ORC5: variants seen among roughly 807,000 people sequenced by gnomAD.
ORC5 encodes the protein origin recognition complex subunit 5, also known as protein phosphatase 1, regulatory subunit 117.
ORC5 carries 39 observed loss-of-function variants against 58.8 expected under a neutral mutation model. The observed-to-expected ratio is 0.66, with a 90% CI of 0.51 to 0.87. The LOEUF is 0.87. Ranked by LOEUF, ORC5 falls within the 40% of genes least tolerant of loss-of-function variation. ORC5 has a pLI of 0.00. For missense variants in ORC5, 493 were observed against 506.3 expected, an observed-to-expected ratio of 0.97 and a Z score of 0.25; for synonymous variants, 218 against 177.6, an observed-to-expected ratio of 1.23 and a Z score of -1.81.
intron 11 of ORC5, among the ~76,000 whole-genome samples, chr7:104,164,129 G>C (rs560853021): frequency 6.6e-6 from 1 of 151,990 alleles, no homozygotes; most frequent in Non-Finnish European, 1.5e-5. Flanking sequence ...TTAAAAATTC[G>C]AGACATTAGG....
At chr7:104,185,142 G>C (rs1799517293) in intron 6 of ORC5, among the ~76,000 whole-genome samples, 1 of 150,272 alleles carries the variant, frequency 6.7e-6, no homozygotes, top group Admixed American at 6.6e-5. Context: ...TTAATACCTA[G>C]GTGAGGGGTT....
At chr7:104,192,918 C>T (rs945831496) in intron 5 of ORC5, among the ~76,000 whole-genome samples, 59 of 150,164 alleles carry the variant, frequency 3.9e-4, no homozygotes, top group African/African-American at 1.4e-3. Context: ...AAAAAACAAT[C>T]CCAAATAAAA....
intron 12 of ORC5, among the ~76,000 whole-genome samples, chr7:104,141,420 A>C (rs1798670721): frequency 7.1e-6 from 1 of 141,728 alleles, no homozygotes; most frequent in Non-Finnish European, 1.5e-5. Flanking sequence ...GAGAGAGAAC[A>C]TAGTTTAAGA....
intron 12 of ORC5, among the ~76,000 whole-genome samples, chr7:104,137,690 C>A (rs921443941): frequency 5.9e-5 from 9 of 152,058 alleles, no homozygotes; most frequent in Admixed American, 5.9e-4. Context: ...CAGATGCCAG[C>A]AGGCCACCTA....
intron 12 of ORC5, among the ~76,000 whole-genome samples, chr7:104,146,849 A>C (rs1798760920): frequency 6.6e-6 from 1 of 152,196 alleles, no homozygotes; most frequent in Admixed American, 6.5e-5. Flanking sequence ...GATTGCATTA[A>C]TGTCAGTTTC....
chr7:104,169,306 A>C (rs1246229118), intron 8 of ORC5, among the ~76,000 whole-genome samples: 2 of 88,278 alleles, frequency 2.3e-5, no homozygotes, highest in African/African-American at 5.4e-5. Context: ...TCCTTGTAGG[A>C]TGCTTGCAGA....
chr7:104,179,586 G>C (rs1254901120), intron 8 of ORC5, among the ~76,000 whole-genome samples: 7 of 146,132 alleles, frequency 4.8e-5, no homozygotes, highest in African/African-American at 1.2e-4. Flanking sequence ...AAAATTAGAG[G>C]TTTTCACTTT....
At position 104,200,851 on chromosome 7, in the gene ORC5, A is replaced by G; in HGVS notation, c.273T>C (p.Ser91=). The part of the protein sequence containing the change: ...NHLSSSEDGC[S]TEITCETFND... ...TAAATGTTTCACAGGTTATTTCAGTAGAACATCCATCCTCTGAAGAACTAA... is the reference window on the plus strand; with the variant it reads ...TAAATGTTTCACAGGTTATTTCAGTGGAACATCCATCCTCTGAAGAACTAA... The change falls in exon 3 of 14, where the codon TCT becomes TCC. Residue 91 remains serine, a synonymous_variant. Transcript: ENST00000297431. 1 of 1,611,942 alleles carries G rather than the reference A, an allele frequency of 6.2e-7. No homozygotes were observed.
intron 5 of ORC5, among the ~76,000 whole-genome samples, chr7:104,191,972 T>A (rs926231915): frequency 2.0e-5 from 3 of 152,146 alleles, no homozygotes; most frequent in Non-Finnish European, 4.4e-5. Flanking sequence ...AGAAAACAAC[T>A]ATTTTTAAAT....
At chr7:104,186,535 C>T (rs1018616105) in intron 6 of ORC5, among the ~76,000 whole-genome samples, 2 of 152,096 alleles carry the variant, frequency 1.3e-5, no homozygotes, top group Admixed American at 6.6e-5. Context: ...CAAAGTAGTA[C>T]TTCATTTTCT....
At chr7:104,197,163 CAAT>C (rs1438105602) in intron 4 of ORC5, among the ~76,000 whole-genome samples, 3 of 152,086 alleles carry the variant, frequency 2.0e-5, no homozygotes, top group Non-Finnish European at 4.4e-5. Flanking sequence ...TTTTCCTCAA[CAAT>C]GTTATAATGA....
At chr7:104,180,011 G>C (rs947808948) in intron 8 of ORC5, among the ~76,000 whole-genome samples, 1 of 152,160 alleles carries the variant, frequency 6.6e-6, no homozygotes, top group Admixed American at 6.6e-5. Flanking sequence ...TTTTCCTCCA[G>C]TATAACTTGA....
intron 8 of ORC5, among the ~76,000 whole-genome samples, chr7:104,173,828 T>C (rs186489341): frequency 2.0e-5 from 3 of 148,478 alleles, no homozygotes; most frequent in Non-Finnish European, 4.5e-5. Context: ...TCTGCATACC[T>C]GGGTTTAAAA....
In ORC5 at chr7:104,184,198, GA is replaced by G. The variant is rs530245222; in HGVS notation, c.685-28del. The G allele has an allele frequency of 1.7e-3, 2,334 of 1,373,982 alleles. 1 individual carries two copies. The highest frequency in any genetic ancestry group is 2.2e-3 in the Non-Finnish European group (2,192 of 996,486). The allele number at this position is 1,373,982 out of a possible 1,614,324, so 85.1% of individuals were successfully genotyped here. On this transcript the variant is annotated intron_variant, in intron 6 of 13. Coordinates refer to ENST00000297431, the MANE Select transcript of ORC5 (RefSeq NM_002553.4). ...TGTAAGTAAAGAAAAAAAAAGAGAAGAAAAAAAGCACTGATCGATCACAATT... is the reference window on the plus strand; with the variant it reads ...TGTAAGTAAAGAAAAAAAAAGAGAAGAAAAAAGCACTGATCGATCACAATT...
chr7:104,159,384 G>A (rs1381257739), intron 12 of ORC5, among the ~76,000 whole-genome samples: 3 of 144,400 alleles, frequency 2.1e-5, no homozygotes, highest in Admixed American at 6.9e-5. Flanking sequence ...GCTAAATGAC[G>A]AGTTAATGGG....
chr7:104,207,406 T>C (rs912664515), intron 1 of ORC5, among the ~76,000 whole-genome samples: 18 of 151,428 alleles, frequency 1.2e-4, no homozygotes, highest in African/African-American at 4.4e-4. Flanking sequence ...TGGCCCTTAG[T>C]GGCCTTGAAA....
chr7:104,140,060 A>G (rs1798648706), intron 12 of ORC5, among the ~76,000 whole-genome samples: 1 of 151,910 alleles, frequency 6.6e-6, no homozygotes, highest in African/African-American at 2.4e-5. Context: ...CTTACAGTGT[A>G]TTTTTTTCTA....
chr7:104,128,892 C>T (rs184035465), intron 13 of ORC5, among the ~76,000 whole-genome samples: 20 of 151,622 alleles, frequency 1.3e-4, no homozygotes, highest in Admixed American at 1.1e-3. Flanking sequence ...TGTTGTGTTG[C>T]TAATTTTTTT....
chr7:104,197,452 T>G (rs1799826406), intron 4 of ORC5, among the ~76,000 whole-genome samples: 1 of 152,232 alleles, frequency 6.6e-6, no homozygotes, highest in Non-Finnish European at 1.5e-5. Context: ...TCTGGCCCTC[T>G]GCCATTTATT....
Sources: allele counts gnomAD v4.1 joint callset (sites outside exome capture counted in the v4.1 genomes callset), GRCh38; gene constraint gnomAD v4.1.1; transcripts MANE v1.5; gene names NCBI Gene and HGNC (gene_info 2026-07-23, HGNC 2026-07-21).